The following ATP10D variants were observed in gnomAD, a reference collection of about 807,000 sequenced individuals.
ATP10D encodes phospholipid-transporting ATPase VD.
Under a neutral mutation model 144.8 loss-of-function variants are expected in ATP10D, and 89 were observed. The observed-to-expected ratio is 0.61, with a 90% CI of 0.52 to 0.73. ATP10D has a LOEUF of 0.73. Among genes scored for constraint, ATP10D ranks in the 30% least tolerant of loss-of-function variants. The probability of loss-of-function intolerance (pLI) is 0.00; values close to 1 mark genes in which losing one functional copy is unlikely to be tolerated. For missense variants in ATP10D, 1,603 were observed against 1,714.8 expected (o/e 0.93, Z 1.15); for synonymous variants, 571 against 615.1 (o/e 0.93, Z 1.06).
intron 10 of ATP10D, 21 bp downstream of exon 10, chr4:47,546,883 A>G: frequency 6.4e-7 from 1 of 1,569,110 alleles, no homozygotes; most frequent in Non-Finnish European, 8.8e-7. Flanking sequence ...ATGCATGACT[A>G]GAGTCTTGCA....
At chr4:47,545,879 G>T (rs548738578) in intron 9 of ATP10D, among the ~76,000 whole-genome samples, 5 of 152,172 alleles carry the variant, frequency 3.3e-5, no homozygotes, top group Non-Finnish European at 5.9e-5. Flanking sequence ...TCACTTCCCA[G>T]TGAGGTCATT....
Position 47,536,439 on chromosome 4 carries a change from C to A in ATP10D, c.1018C>A (p.His340Asn), listed in dbSNP as rs1223958103. The change falls in exon 8 of 23, where the codon CAT becomes AAT. Residue 340 changes from histidine to asparagine, a missense_variant and splice_region_variant. By Grantham distance (68) the His-to-Asn change is moderately conservative. Transcript: ENST00000273859. ...VIMCLTGAVG[H>N]GIWLSRYEKM... ...GATGTCTGTGTATTTTTTGAAAGGT[C>A]ATGGAATCTGGCTGAGCAGGTATGA... is the stretch of plus-strand genomic sequence containing the variant. The A allele has an allele frequency of 1.2e-6, 2 of 1,612,186 alleles. No individual in the cohort carries two copies. Among genetic ancestry groups the A allele is most frequent in the East Asian group, 2.2e-5 (1 of 44,864 alleles).
At position 47,568,998 on chromosome 4, in the gene ATP10D, G is replaced by A. The variant is rs199566552; in HGVS notation, c.3015G>A (p.Glu1005=). The stretch of plus-strand genomic sequence containing the variant: ...TCATTATCACTGGGAAGACCCTGGA[G>A]TTTGCCCTGCAAGAAAGTCTGCAAA... ...AGLIITGKTL[E]FALQESLQKQ... The change falls in exon 16 of 23, where the codon GAG becomes GAA. Residue 1005 remains glutamate, a synonymous_variant. Transcript: ENST00000273859. The A allele has an allele frequency of 6.2e-7, 1 of 1,614,232 alleles. No individual in the cohort carries two copies. The highest frequency in any genetic ancestry group is 2.2e-5 in the East Asian group (1 of 44,878).
chr4:47,549,741 G>C (rs1284803416), intron 10 of ATP10D, among the ~76,000 whole-genome samples: 1 of 152,228 alleles, frequency 6.6e-6, no homozygotes, highest in Non-Finnish European at 1.5e-5. Context: ...CTCTAAGGGA[G>C]TGAAGAAGGA....
In ATP10D at chr4:47,591,515, G is replaced by A. The variant is rs12641970; in HGVS notation, c.*134G>A. The A allele has an allele frequency of 0.12, 80,912 of 689,810 alleles. 7,687 individuals are homozygous for A. Among genetic ancestry groups the A allele is most frequent in the East Asian group, 0.48 (17,652 of 36,728 alleles). 42.7% of individuals were successfully genotyped at this position (689,810 alleles called of 1,614,324 possible). ...TTACTAGGCTTGGAAGAGCTGACAT[G>A]ATGAGCATTATTGTATGTTTGTATA... is the stretch of plus-strand genomic sequence containing the variant. On this transcript the variant is annotated 3_prime_UTR_variant, in exon 23 of 23. Coordinates refer to ENST00000273859, the MANE Select transcript of ATP10D (RefSeq NM_020453.4).
rs550923470 is a variant in ATP10D at position 47,536,527 on chromosome 4, G to T, written c.1106G>T (p.Gly369Val). Residue 369 changes from glycine (G) to valine (V), a missense_variant, in exon 8 of 23, where the codon GGA becomes GTA. Physicochemically the swap from Gly to Val is moderately radical, Grantham distance 109. Coordinates refer to ENST00000273859, the MANE Select transcript of ATP10D (RefSeq NM_020453.4). ...CATATCATATCACCACTGTTGGCAG[G>T]ATTTTATATGTTTTGGACCATGATC... ...DGHIISPLLAGFYMFWTMIIL... is the reference protein window; with the variant it reads ...DGHIISPLLAVFYMFWTMIIL... The T allele has an allele frequency of 6.2e-7, 1 of 1,613,528 alleles. No individual in the cohort carries two copies. Among genetic ancestry groups the T allele is most frequent in the South Asian group, 1.1e-5 (1 of 91,006 alleles).
intron 10 of ATP10D, among the ~76,000 whole-genome samples, chr4:47,551,925 A>G (rs1361588937): frequency 6.6e-6 from 1 of 152,246 alleles, no homozygotes; most frequent in Non-Finnish European, 1.5e-5. Flanking sequence ...CTAACTTCTT[A>G]GTCACTAGAA....
At chr4:47,547,226 A>G (rs1040532182) in intron 10 of ATP10D, 1 of 236,670 alleles carries the variant, frequency 4.2e-6, no homozygotes, top group Non-Finnish European at 8.3e-6. Flanking sequence ...CAGATAAGCA[A>G]GTGTAATTTA....
At chr4:47,563,869 G>A (rs1719456510) in intron 15 of ATP10D, 104 bp downstream of exon 15, 20 of 1,125,466 alleles carry the variant, frequency 1.8e-5, no homozygotes, top group East Asian at 2.8e-5. Flanking sequence ...AACAGCAACC[G>A]TTAGCTTTTT....
At position 47,536,449 on chromosome 4, in the gene ATP10D, G is replaced by T. The variant is rs755089954; in HGVS notation, c.1028G>T (p.Trp343Leu). 4.3e-6 allele frequency: 7 copies of T among 1,613,338 alleles called. No homozygotes were observed. In the African/African-American group the frequency reaches 8.0e-5, roughly 18 times the overall value. Residue 343 changes from tryptophan to leucine, a missense_variant, in exon 8 of 23, where the codon TGG (tryptophan) becomes TTG (leucine). Trp to Leu is a moderately conservative substitution (Grantham distance 61, BLOSUM62 -2). Transcript: ENST00000273859. ...TATTTTTTGAAAGGTCATGGAATCT[G>T]GCTGAGCAGGTATGAAAAGATGCAT... ...CLTGAVGHGI[W>L]LSRYEKMHFF...
chr4:47,502,302 T>G (rs1381213262), intron 1 of ATP10D, among the ~76,000 whole-genome samples: 2 of 152,068 alleles, frequency 1.3e-5, no homozygotes, highest in East Asian at 3.9e-4. Context: ...AAACCCCGTC[T>G]CTACTAAAAA....
chr4:47,489,683 CATT>C (rs1714973913), intron 1 of ATP10D, among the ~76,000 whole-genome samples: 1 of 152,108 alleles, frequency 6.6e-6, no homozygotes, highest in African/African-American at 2.4e-5. Context: ...TGTTAGGTAT[CATT>C]ATTTCTGAAT....
intron 9 of ATP10D, 43 bp from the exon 10 acceptor site, chr4:47,546,581 G>A (rs368561380): frequency 9.8e-6 from 15 of 1,535,522 alleles, no homozygotes; most frequent in Non-Finnish European, 1.4e-5. Context: ...ACTTACAAGT[G>A]GCTCTTCTCA....
chr4:47,568,756 T>C, intron 15 of ATP10D, 81 bp from the exon 16 acceptor site: 1 of 1,281,090 alleles, frequency 7.8e-7, no homozygotes, highest in Non-Finnish European at 1.1e-6. Flanking sequence ...CAGCAATTGC[T>C]AAAAAATGAC....
At chr4:47,495,551 T>C (rs1577606941) in intron 1 of ATP10D, among the ~76,000 whole-genome samples, 1 of 152,188 alleles carries the variant, frequency 6.6e-6, no homozygotes, top group African/African-American at 2.4e-5. Flanking sequence ...TAAAATCTGC[T>C]ATTAATAGAC....
intron 17 of ATP10D, among the ~76,000 whole-genome samples, chr4:47,572,450 A>C (rs16860387): frequency 0.03 from 4,508 of 152,236 alleles, 216 homozygotes; most frequent in African/African-American, 0.1. Context: ...CTTGTTAAAA[A>C]TAGAGCTTAT....
At chr4:47,515,707 G>A in intron 3 of ATP10D, 37 bp downstream of exon 3, 1 of 1,462,192 alleles carries the variant, frequency 6.8e-7, no homozygotes, top group Non-Finnish European at 9.4e-7. Flanking sequence ...GACTATGTAT[G>A]TATCATTGAG....
chr4:47,523,852 T>G (rs1717098954), intron 4 of ATP10D, among the ~76,000 whole-genome samples: 1 of 152,208 alleles, frequency 6.6e-6, no homozygotes, highest in Non-Finnish European at 1.5e-5. Flanking sequence ...AAACAGCATA[T>G]ATAGTGTCTA....
At chr4:47,526,818 C>T (rs1474833722) in intron 5 of ATP10D, among the ~76,000 whole-genome samples, 2 of 152,002 alleles carry the variant, frequency 1.3e-5, no homozygotes, top group Non-Finnish European at 2.9e-5. Flanking sequence ...ATGTGAGCTA[C>T]CTGTACACTG....
Sources: allele counts gnomAD v4.1 joint callset (sites outside exome capture counted in the v4.1 genomes callset), GRCh38; gene constraint gnomAD v4.1.1; transcripts MANE v1.5; gene names NCBI Gene and HGNC (gene_info 2026-07-23, HGNC 2026-07-21).